The following JADE3 variants were observed in gnomAD, a reference collection of about 807,000 sequenced individuals.
JADE3 encodes protein Jade-3.
In JADE3, 2 loss-of-function variants were observed where a neutral mutation model predicts 50.1. That is an observed-to-expected ratio of 0.04 (90% CI 0.02 to 0.13). The LOEUF (loss-of-function observed/expected upper bound fraction) is 0.13. Ranked by LOEUF, JADE3 falls within the 10% of genes least tolerant of loss-of-function variation. The pLI is 1.00. For missense variants in JADE3, 475 were observed against 634.4 expected (o/e 0.75, Z 2.70); for synonymous variants, 218 against 232.9 (o/e 0.94, Z 0.58).
In JADE3 at chrX:46,985,800, C is replaced by T. The variant is rs1291416789; in HGVS notation, c.126+8C>T. On this transcript the variant is annotated splice_region_variant and intron_variant, in intron 3 of 10. Coordinates refer to ENST00000614628, the MANE Select transcript of JADE3 (RefSeq NM_014735.5). ...CACAAGAAACCTGCTGAGGTGAGATCGTATTCTCAATTTTTAGACTTAAGC... is the reference window on the plus strand; with the variant it reads ...CACAAGAAACCTGCTGAGGTGAGATTGTATTCTCAATTTTTAGACTTAAGC... 2 of 1,131,613 alleles carry T rather than the reference C, an allele frequency of 1.8e-6. No individual in the cohort carries two copies. Among genetic ancestry groups the T allele is most frequent in the African/African-American group, 1.8e-5 (1 of 55,718 alleles). 93.3% of individuals were successfully genotyped at this position (1,131,613 alleles called of 1,213,427 possible).
Position 46,960,292 on chromosome X carries a change from A to G in JADE3, c.-11-24592A>G, listed in dbSNP as rs918550494. The stretch of plus-strand genomic sequence containing the variant: ...GACCTGACTTTGAAAAGGCCTGCTT[A>G]CAAGGTTGACTCTGGGCTGGCGAAT... On this transcript the variant is annotated intron_variant, in intron 1 of 10. Coordinates refer to ENST00000614628, the MANE Select transcript of JADE3 (RefSeq NM_014735.5). Among the ~76,000 whole-genome samples, 63 of 111,588 alleles carry G rather than the reference A, an allele frequency of 5.6e-4. 1 individual carries two copies. Among genetic ancestry groups the G allele is most frequent in the African/African-American group, 1.9e-3 (60 of 30,791 alleles).
intron 7 of JADE3, among the ~76,000 whole-genome samples, chrX:47,038,672 AGAAG>A (rs1212789428): frequency 1.0e-5 from 1 of 95,893 alleles, no homozygotes; most frequent in Non-Finnish European, 2.0e-5. Context: ...AAAAAAAAAA[AGAAG>A]AAAGAAAGAA....
At chrX:47,020,860 A>G (rs782138435) in intron 4 of JADE3, among the ~76,000 whole-genome samples, 4 of 111,849 alleles carry the variant, frequency 3.6e-5, no homozygotes, top group African/African-American at 1.3e-4. Flanking sequence ...CATGCCTGTA[A>G]TACCAGCACT....
At chrX:46,932,953 G>T (rs1435312150) in intron 1 of JADE3, among the ~76,000 whole-genome samples, 1 of 111,597 alleles carries the variant, frequency 9.0e-6, no homozygotes, top group Non-Finnish European at 1.9e-5. Context: ...CTATAATCTG[G>T]CTTTCCTAGT....
In JADE3 at chrX:47,058,983, G is replaced by T; in HGVS notation, c.2378G>T (p.Ser793Ile). Residue 793 changes from serine (S) to isoleucine (I), a missense_variant, in exon 11 of 11, where the codon AGC (serine) becomes ATC (isoleucine). Transcript: ENST00000614628. ...NKEKVRVRKD[S>I]SDRENPPHDS... The stretch of plus-strand genomic sequence containing the variant: ...GAAAAAGTCAGGGTAAGGAAAGATA[G>T]CTCAGACAGGGAAAATCCTCCCCAT... 1 of 1,209,710 alleles carries T rather than the reference G, an allele frequency of 8.3e-7. No individual in the cohort carries two copies.
At chrX:47,033,365 G>A (rs1398545501) in intron 6 of JADE3, among the ~76,000 whole-genome samples, 7 of 111,939 alleles carry the variant, frequency 6.3e-5, no homozygotes, top group African/African-American at 1.6e-4. Flanking sequence ...TTGGGTTAAC[G>A]GTTGGCTGTA....
intron 4 of JADE3, 34 bp downstream of exon 4, chrX:46,998,311 T>C: frequency 8.6e-7 from 1 of 1,160,698 alleles, no homozygotes; most frequent in Non-Finnish European, 1.2e-6. Flanking sequence ...ACTTAGGGAA[T>C]GAATGCTCTC....
chrX:46,986,890 T>C (rs1294932847), intron 3 of JADE3, among the ~76,000 whole-genome samples: 3 of 112,655 alleles, frequency 2.7e-5, no homozygotes, highest in Non-Finnish European at 5.6e-5. Context: ...TCCTTAGCTG[T>C]AAAGGAACAG....
intron 8 of JADE3, among the ~76,000 whole-genome samples, chrX:47,047,913 G>T (rs1434547547): frequency 9.0e-6 from 1 of 111,711 alleles, no homozygotes; most frequent in Non-Finnish European, 1.9e-5. Context: ...ATTAGCCAAG[G>T]ATAGAGGCAC....
intron 4 of JADE3, among the ~76,000 whole-genome samples, chrX:47,000,413 A>G (rs1556358742): frequency 9.0e-6 from 1 of 111,427 alleles, no homozygotes; most frequent in African/African-American, 3.3e-5. Flanking sequence ...TCAATTATCT[A>G]CTTATTGGAG....
intron 4 of JADE3, among the ~76,000 whole-genome samples, chrX:47,019,524 A>T (rs1928748386): frequency 8.9e-6 from 1 of 111,824 alleles, no homozygotes; most frequent in Admixed American, 9.4e-5. Flanking sequence ...AGCTGGGACT[A>T]TAGGAACATA....
At chrX:47,022,535 A>G (rs1244709134) in intron 4 of JADE3, among the ~76,000 whole-genome samples, 2 of 111,965 alleles carry the variant, frequency 1.8e-5, no homozygotes, top group African/African-American at 6.5e-5. Context: ...ATGCCTGTAT[A>G]TATTTTATGT....
In JADE3 at chrX:47,000,967, C is replaced by A. The variant is rs191169445; in HGVS notation, c.284+2690C>A. Among the ~76,000 whole-genome samples, 599 of 112,072 alleles carry A rather than the reference C, an allele frequency of 5.3e-3. 2 individuals carry two copies. Among genetic ancestry groups the A allele is most frequent in the South Asian group, 0.023 (63 of 2,696 alleles). On this transcript the variant is annotated intron_variant, in intron 4 of 10. Transcript: ENST00000614628. ...TCTATTATTTGTTCCGAGGGCTTCA[C>A]ATATTTACCATTATAAGTGCTGTGA...
At chrX:47,047,369 A>C (rs782575369) in intron 8 of JADE3, among the ~76,000 whole-genome samples, 6 of 111,042 alleles carry the variant, frequency 5.4e-5, no homozygotes, top group Admixed American at 9.6e-5. Context: ...CAACTTGATG[A>C]AACTCCGTCT....
chrX:47,058,737 A>G lies in JADE3; in HGVS notation c.2132A>G (p.His711Arg), dbSNP rs782170945. 24 of 1,208,420 alleles carry G rather than the reference A, an allele frequency of 2.0e-5. No homozygotes were observed. Among genetic ancestry groups the G allele is most frequent in the Non-Finnish European group, 2.7e-5 (24 of 894,067 alleles). Residue 711 changes from histidine (H) to arginine (R), a missense_variant, in exon 11 of 11, where the codon CAC becomes CGC. His to Arg is a conservative substitution (Grantham distance 29). Transcript: ENST00000614628. Reference protein sequence around the residue: ...QGSFRKSTVEHFSRSFKETTN... With the variant: ...QGSFRKSTVERFSRSFKETTN... ...AGCTTTAGAAAATCCACTGTAGAACACTTTAGTAGGTCCTTTAAAGAGACC... is the reference window on the plus strand; with the variant it reads ...AGCTTTAGAAAATCCACTGTAGAACGCTTTAGTAGGTCCTTTAAAGAGACC...
At chrX:47,054,092 C>G (rs2239791) in intron 8 of JADE3, 66 bp from the exon 9 acceptor site, 118,706 of 756,387 alleles carry the variant, frequency 0.16, 8,333 homozygotes, top group Admixed American at 0.4. Context: ...CAATTTAGGT[C>G]CAGAAACATA....
intron 4 of JADE3, among the ~76,000 whole-genome samples, chrX:47,000,627 A>G (rs782580991): frequency 1.8e-5 from 2 of 111,419 alleles, no homozygotes; most frequent in Non-Finnish European, 3.8e-5. Context: ...TTGTCAGCTC[A>G]CTGCAACCTC....
intron 1 of JADE3, among the ~76,000 whole-genome samples, chrX:46,929,337 G>A (rs1170730185): frequency 8.9e-6 from 1 of 112,087 alleles, no homozygotes; most frequent in Non-Finnish European, 1.9e-5. Context: ...TTCTTTAGTT[G>A]ATAGTATGGA....
intron 2 of JADE3, among the ~76,000 whole-genome samples, 188 bp downstream of exon 2, chrX:46,985,128 G>C (rs1927834745): frequency 1.8e-5 from 2 of 111,691 alleles, no homozygotes; most frequent in Non-Finnish European, 3.8e-5. Context: ...AGAATTGATT[G>C]TGTGTGGCAT....
Sources: gnomAD v4.1 joint callset for allele counts (sites outside exome capture counted in the v4.1 genomes callset) on GRCh38, gnomAD v4.1.1 for gene constraint, MANE v1.5 for transcripts, NCBI Gene and HGNC (gene_info 2026-07-23, HGNC 2026-07-21) for gene names.